TMEM132B: variants seen among roughly 807,000 people sequenced by gnomAD.
TMEM132B encodes the protein transmembrane protein 132B.
In TMEM132B, 18 loss-of-function variants were observed where a neutral mutation model predicts 90.8. The ratio of observed to expected loss-of-function variants is 0.20; its 90% CI spans 0.14 to 0.29. TMEM132B has a LOEUF of 0.29. Among genes scored for constraint, TMEM132B ranks in the 10% least tolerant of loss-of-function variants. TMEM132B has a pLI of 1.00. For missense variants in TMEM132B, 1,096 were observed against 1,326.8 expected (o/e 0.83, Z 2.70); for synonymous variants, 504 against 523.3 (o/e 0.96, Z 0.50).
Position 125,244,457 on chromosome 12 carries a change from G to A in TMEM132B, c.67+57591G>A, listed in dbSNP as rs778244163. On this transcript the variant is annotated intron_variant, in intron 1 of 8. Coordinates refer to ENST00000682704, the MANE Select transcript of TMEM132B (RefSeq NM_001366854.1). ...AGCTGCTTCTGCCAAACCAGCTTCC[G>A]GCCTGGGGACCCAGGGCCCAGACCC... Among the ~76,000 whole-genome samples, 14 of 152,282 alleles carry A rather than the reference G, an allele frequency of 9.2e-5. No individual in the cohort carries two copies. The East Asian group carries it at 1.7e-3, about 19-fold the overall frequency.
At chr12:125,369,242 G>A (rs1878224288) in intron 2 of TMEM132B, among the ~76,000 whole-genome samples, 1 of 152,186 alleles carries the variant, frequency 6.6e-6, no homozygotes, top group Non-Finnish European at 1.5e-5. Context: ...TGGTGTACAT[G>A]TGCCACATTT....
chr12:125,563,148 TA>T (rs1884576391), intron 4 of TMEM132B, among the ~76,000 whole-genome samples: 1 of 12,798 alleles, frequency 7.8e-5, no homozygotes, highest in African/African-American at 1.6e-4. Context: ...CCATAATGCG[TA>T]ATAATAATAA....
intron 1 of TMEM132B, among the ~76,000 whole-genome samples, chr12:125,337,692 T>TC (rs1159339470): frequency 6.6e-6 from 1 of 152,178 alleles, no homozygotes; most frequent in Non-Finnish European, 1.5e-5. Context: ...AAGGGTGTTC[T>TC]CCCCTCATCC....
Position 125,186,542 on chromosome 12 carries a change from C to T in TMEM132B, c.-258C>T, listed in dbSNP as rs1044470380. On this transcript the variant is annotated 5_prime_UTR_variant, in exon 1 of 9. Coordinates refer to ENST00000682704, the MANE Select transcript of TMEM132B (RefSeq NM_001366854.1). The surrounding 1 kb of genome is among the most constrained non-coding windows in gnomAD (Gnocchi z 6.3). ...CAACTCGGGCCAACTGCGGGGCAGC[C>T]GGCCAGGGCGCGGGGCGCTGAGCCT... Among the ~76,000 whole-genome samples the T allele has an allele frequency of 2.5e-4, 36 of 146,628 alleles. No individual in the cohort carries two copies. The highest frequency in any genetic ancestry group is 8.3e-4 in the African/African-American group (34 of 40,892).
chr12:125,338,401 G>C lies in TMEM132B; in HGVS notation c.68-11051G>C, dbSNP rs138408459. On this transcript the variant is annotated intron_variant, in intron 1 of 8. Transcript: ENST00000682704. Reference sequence around the variant, plus strand: ...GGACGCAGCACCAACACCCACACTTGGATGCCTGACATTTCTCTGGAGGGT... The same window carrying C: ...GGACGCAGCACCAACACCCACACTTCGATGCCTGACATTTCTCTGGAGGGT... Among the ~76,000 whole-genome samples the C allele has an allele frequency of 2.0e-5, 3 of 152,148 alleles. No individual in the cohort carries two copies. The South Asian group carries it at 6.2e-4, about 32-fold the overall frequency.
At chr12:125,571,931 A>T (rs1313230163) in intron 4 of TMEM132B, among the ~76,000 whole-genome samples, 1 of 152,246 alleles carries the variant, frequency 6.6e-6, no homozygotes, top group African/African-American at 2.4e-5. Flanking sequence ...TAGCAAAAGA[A>T]AAATACATTT....
At chr12:125,541,869 T>TAAA (rs1286522340) in intron 4 of TMEM132B, among the ~76,000 whole-genome samples, 1 of 150,708 alleles carries the variant, frequency 6.6e-6, no homozygotes, top group Non-Finnish European at 1.5e-5. Flanking sequence ...AAAAAATATA[T>TAAA]AAAAAATTAG....
chr12:125,303,968 G>A (rs567786193), intron 1 of TMEM132B, among the ~76,000 whole-genome samples: 3 of 152,184 alleles, frequency 2.0e-5, no homozygotes, highest in Non-Finnish European at 4.4e-5. Context: ...CTCCAATGTA[G>A]CAGTCCCCAA....
intron 1 of TMEM132B, among the ~76,000 whole-genome samples, chr12:125,197,357 C>T (rs55649029): frequency 0.29 from 44,499 of 152,076 alleles, 6,756 homozygotes; most frequent in East Asian, 0.47. Context: ...TCAAATTTTA[C>T]TTCCTCCATC....
At chr12:125,323,662 G>T (rs994949969) in intron 1 of TMEM132B, among the ~76,000 whole-genome samples, 5 of 152,120 alleles carry the variant, frequency 3.3e-5, no homozygotes, top group African/African-American at 1.2e-4. Context: ...GGGATTACAG[G>T]TGCACACCAT....
At chr12:125,625,281 C>A (rs1015361320) in intron 5 of TMEM132B, among the ~76,000 whole-genome samples, 2 of 151,836 alleles carry the variant, frequency 1.3e-5, no homozygotes, top group Non-Finnish European at 2.9e-5. Context: ...TACAGGCGCC[C>A]GCCCCCACGC....
At chr12:125,377,353 C>T (rs1878524792) in intron 2 of TMEM132B, among the ~76,000 whole-genome samples, 1 of 152,162 alleles carries the variant, frequency 6.6e-6, no homozygotes, top group Admixed American at 6.5e-5. Flanking sequence ...GGGCAGGGAA[C>T]TTTGGATTGT....
intron 1 of TMEM132B, among the ~76,000 whole-genome samples, chr12:125,320,503 G>T (rs2136189463): frequency 6.6e-6 from 1 of 152,316 alleles, no homozygotes; most frequent in Middle Eastern, 3.4e-3. Flanking sequence ...CCGGCCTGTT[G>T]CGCTGGAGAG....
intron 1 of TMEM132B, chr12:125,301,796 G>C (rs1426925542): frequency 6.6e-6 from 1 of 152,134 alleles, no homozygotes; most frequent in Non-Finnish European, 1.5e-5. Context: ...GGAGAATGGC[G>C]TGAACCCGGG....
intron 1 of TMEM132B, among the ~76,000 whole-genome samples, chr12:125,284,578 T>C (rs1364530467): frequency 2.0e-5 from 3 of 152,182 alleles, no homozygotes; most frequent in African/African-American, 7.2e-5. Flanking sequence ...TTGCGTAGCA[T>C]TGTCTCTTTT....
chr12:125,459,591 G>A lies in TMEM132B; in HGVS notation c.1106+43914G>A, dbSNP rs1881383220. Among the ~76,000 whole-genome samples, 1 of 152,150 alleles carries A rather than the reference G, an allele frequency of 6.6e-6. No individual in the cohort carries two copies. The stretch of plus-strand genomic sequence containing the variant: ...AAATATAGTTACAAAGAATGAATAA[G>A]ACCTACTATTTGATAGCACAACAGG... On this transcript the variant is annotated intron_variant, in intron 3 of 8. Transcript: ENST00000682704. The surrounding 1 kb of genome is among the most constrained non-coding windows in gnomAD (Gnocchi z 4.1).
chr12:125,349,684 G>T lies in TMEM132B; in HGVS notation c.300G>T (p.Lys100Asn). 6.2e-7 allele frequency: 1 copy of T among 1,614,190 alleles called. No homozygotes were observed. Among genetic ancestry groups the T allele is most frequent in the Non-Finnish European group, 8.5e-7 (1 of 1,180,036 alleles). Residue 100 changes from lysine to asparagine, a missense_variant, in exon 2 of 9, where the codon AAG becomes AAT. Lys to Asn is a moderately conservative substitution (Grantham distance 94). Coordinates refer to ENST00000682704, the MANE Select transcript of TMEM132B (RefSeq NM_001366854.1). This position sits in a 1 kb window ranked among gnomAD's most constrained non-coding sequence, Gnocchi z 4.1. ...NASYGPFSVE[K>N]IIPQELLLTS... ...GCTATGGCCCATTTTCAGTGGAGAAGATAATCCCCCAGGAGCTCCTGTTGA... is the reference window on the plus strand; with the variant it reads ...GCTATGGCCCATTTTCAGTGGAGAATATAATCCCCCAGGAGCTCCTGTTGA...
intron 1 of TMEM132B, among the ~76,000 whole-genome samples, chr12:125,261,529 A>G (rs537610799): frequency 6.6e-6 from 1 of 152,340 alleles, no homozygotes; most frequent in East Asian, 1.9e-4. Flanking sequence ...CATGTATACC[A>G]TGACCATATT....
intron 4 of TMEM132B, among the ~76,000 whole-genome samples, chr12:125,526,324 G>A (rs371915738): frequency 1.3e-5 from 2 of 152,240 alleles, no homozygotes; most frequent in Non-Finnish European, 2.9e-5. Context: ...CAGGAAGGAA[G>A]GGGCAGGGAT....
Sources: allele counts gnomAD v4.1 joint callset (sites outside exome capture counted in the v4.1 genomes callset), GRCh38; gene constraint gnomAD v4.1.1; non-coding constraint Gnocchi (gnomAD v3.1); transcripts MANE v1.5; gene names NCBI Gene and HGNC (gene_info 2026-07-23, HGNC 2026-07-21).